The following POU6F2 variants were observed in gnomAD, a reference collection of about 807,000 sequenced individuals.
POU6F2 encodes the protein POU domain, class 6, transcription factor 2.
POU6F2 carries 31 observed loss-of-function variants against 71.3 expected under a neutral mutation model. The ratio of observed to expected loss-of-function variants is 0.43; its 90% CI spans 0.33 to 0.59. The LOEUF is 0.59. Ranked by LOEUF, POU6F2 falls within the 20% of genes least tolerant of loss-of-function variation. The probability of loss-of-function intolerance (pLI) is 0.04; values close to 1 mark genes in which losing one functional copy is unlikely to be tolerated. For missense variants in POU6F2, 783 were observed against 856.8 expected, an observed-to-expected ratio of 0.91 and a Z score of 1.07; for synonymous variants, 347 against 355.7, an observed-to-expected ratio of 0.98 and a Z score of 0.27.
At position 39,351,388 on chromosome 7, in the gene POU6F2, C is replaced by G. The variant is rs1786136864; in HGVS notation, c.972+11373C>G. ...TGCTTTGTCAGCCACCTGGGCCCCTCCCAGACTCTGGAGTTGAATTATTAG... is the reference window on the plus strand; with the variant it reads ...TGCTTTGTCAGCCACCTGGGCCCCTGCCAGACTCTGGAGTTGAATTATTAG... On this transcript the variant is annotated intron_variant, in intron 5 of 9. Coordinates refer to ENST00000518318, the MANE Select transcript of POU6F2 (RefSeq NM_001370959.1). Among the ~76,000 whole-genome samples, 2 of 152,166 alleles carry G rather than the reference C, an allele frequency of 1.3e-5. 1 individual carries two copies. The highest frequency in any genetic ancestry group is 4.1e-4 in the South Asian group (2 of 4,830).
chr7:39,198,731 C>A (rs1793833258), intron 2 of POU6F2, among the ~76,000 whole-genome samples: 1 of 152,102 alleles, frequency 6.6e-6, no homozygotes, highest in Admixed American at 6.5e-5. Context: ...ACCTGTGTGA[C>A]CAGTATCATA....
intron 4 of POU6F2, among the ~76,000 whole-genome samples, chr7:39,305,603 C>G (rs1043438216): frequency 1.3e-5 from 2 of 152,162 alleles, no homozygotes; most frequent in Non-Finnish European, 2.9e-5. Flanking sequence ...TAGTCCTCAG[C>G]GTTAAAATTC....
intron 1 of POU6F2, among the ~76,000 whole-genome samples, chr7:39,063,823 A>C (rs1790704508): frequency 6.6e-6 from 1 of 152,216 alleles, no homozygotes; most frequent in Non-Finnish European, 1.5e-5. Context: ...GTTTCAAAAC[A>C]TCCCCATTTG....
At chr7:39,167,777 C>G (rs1436924366) in intron 2 of POU6F2, among the ~76,000 whole-genome samples, 1 of 151,616 alleles carries the variant, frequency 6.6e-6, no homozygotes, top group Non-Finnish European at 1.5e-5. Flanking sequence ...TATTAATGCT[C>G]TAAATATTAT....
chr7:39,099,842 A>T (rs936054472), intron 2 of POU6F2, among the ~76,000 whole-genome samples: 3 of 152,174 alleles, frequency 2.0e-5, no homozygotes, highest in Admixed American at 2.0e-4. Context: ...GAAGTGACTT[A>T]TTCTGATGGG....
At chr7:38,999,960 T>C (rs991432606) in intron 1 of POU6F2, among the ~76,000 whole-genome samples, 1 of 152,182 alleles carries the variant, frequency 6.6e-6, no homozygotes, top group African/African-American at 2.4e-5. Flanking sequence ...CTTGCTTTTT[T>C]CCCTAAAGTA....
intron 1 of POU6F2, among the ~76,000 whole-genome samples, chr7:39,081,911 A>G (rs548581447): frequency 3.3e-5 from 5 of 152,190 alleles, no homozygotes; most frequent in Non-Finnish European, 7.3e-5. Flanking sequence ...TGAATTGGCC[A>G]GGTTTGAAAA....
intron 1 of POU6F2, among the ~76,000 whole-genome samples, chr7:38,983,669 G>C (rs58144474): frequency 0.041 from 6,217 of 151,960 alleles, 353 homozygotes; most frequent in African/African-American, 0.13. Context: ...CACAATGTGA[G>C]CCAATTGTGG....
chr7:39,291,108 G>T (rs1297835092), intron 4 of POU6F2, among the ~76,000 whole-genome samples: 1 of 151,784 alleles, frequency 6.6e-6, no homozygotes. Context: ...TCTGGCTGTG[G>T]ATATAAATTT....
intron 2 of POU6F2, among the ~76,000 whole-genome samples, chr7:39,120,670 T>C (rs1006009150): frequency 1.3e-5 from 2 of 152,246 alleles, no homozygotes; most frequent in Admixed American, 6.5e-5. Context: ...ATCAATGTAG[T>C]AGGTTAATAA....
chr7:39,130,295 C>G (rs1195371920), intron 2 of POU6F2, among the ~76,000 whole-genome samples: 1 of 151,640 alleles, frequency 6.6e-6, no homozygotes, highest in East Asian at 1.9e-4. Context: ...TACTCACCAC[C>G]CGGAAGGCAG....
intron 6 of POU6F2, among the ~76,000 whole-genome samples, chr7:39,418,078 T>A (rs1287560160): frequency 6.6e-6 from 1 of 152,210 alleles, no homozygotes; most frequent in Admixed American, 6.5e-5. Context: ...ATTAAGAAAC[T>A]TCCAATATCA....
rs1176618881 is a variant in POU6F2 at position 39,271,596 on chromosome 7, G to A, written c.598+63976G>A. Reference sequence around the variant, plus strand: ...CCGTTTGCCAGCAGAAGTGGTTCTGGCAGCTGTGTGAGCCGTGGGGAGCAG... The same window carrying A: ...CCGTTTGCCAGCAGAAGTGGTTCTGACAGCTGTGTGAGCCGTGGGGAGCAG... On this transcript the variant is annotated intron_variant, in intron 4 of 9. Coordinates refer to ENST00000518318, the MANE Select transcript of POU6F2 (RefSeq NM_001370959.1). 2.7e-4 allele frequency among the ~76,000 whole-genome samples: 41 copies of A among 152,000 alleles called. 1 individual carries two copies. Among genetic ancestry groups the A allele is most frequent in the Admixed American group, 2.7e-3 (41 of 15,260 alleles).
At chr7:39,328,865 A>G (rs1463420677) in intron 4 of POU6F2, 2 of 152,210 alleles carry the variant, frequency 1.3e-5, no homozygotes, top group Non-Finnish European at 2.9e-5. Flanking sequence ...CCACCACTCC[A>G]ACCTCAGAAT....
At chr7:39,106,206 T>C (rs1307999466) in intron 2 of POU6F2, among the ~76,000 whole-genome samples, 2 of 152,244 alleles carry the variant, frequency 1.3e-5, no homozygotes, top group African/African-American at 2.4e-5. Flanking sequence ...AGTTTTGTCA[T>C]TTACAGAAAC....
chr7:39,385,605 A>T (rs1786921410), intron 5 of POU6F2, among the ~76,000 whole-genome samples: 1 of 152,182 alleles, frequency 6.6e-6, no homozygotes, highest in Non-Finnish European at 1.5e-5. Flanking sequence ...GTCCCAAGGT[A>T]AATGCTTTTT....
At chr7:39,154,187 T>C (rs373048595) in intron 2 of POU6F2, among the ~76,000 whole-genome samples, 138 of 152,312 alleles carry the variant, frequency 9.1e-4, no homozygotes, top group Middle Eastern at 3.4e-3. Flanking sequence ...TTTCCTACTT[T>C]CCCCAGTCAT....
chr7:39,433,020 G>A, intron 6 of POU6F2, 57 bp from the exon 7 acceptor site: 3 of 1,564,762 alleles, frequency 1.9e-6, no homozygotes, highest in Non-Finnish European at 1.8e-6. Flanking sequence ...ATGGTCTTCA[G>A]TTGCATGCAC....
At chr7:39,266,769 A>ATC (rs772863424) in intron 4 of POU6F2, among the ~76,000 whole-genome samples, 1 of 64,046 alleles carries the variant, frequency 1.6e-5, no homozygotes, top group Non-Finnish European at 3.0e-5. Context: ...ACATTTTGAT[A>ATC]TATATATGTT....
Sources: gnomAD v4.1 joint callset for allele counts (sites outside exome capture counted in the v4.1 genomes callset) on GRCh38, gnomAD v4.1.1 for gene constraint, MANE v1.5 for transcripts, NCBI Gene and HGNC (gene_info 2026-07-23, HGNC 2026-07-21) for gene names.